The following TLN2 variants were observed in gnomAD, a reference collection of about 807,000 sequenced individuals.
TLN2 encodes the protein talin-2.
A neutral mutation model predicts 294.7 loss-of-function variants in TLN2; 118 were observed. The ratio of observed to expected loss-of-function variants is 0.40; its 90% CI spans 0.34 to 0.47. TLN2 has a LOEUF of 0.47. Ranked by LOEUF, TLN2 falls within the 20% of genes least tolerant of loss-of-function variation. The pLI is 0.84. For synonymous variants in TLN2, 1,431 were observed against 1,304.5 expected (o/e 1.10, Z -2.09); for missense variants, 3,083 against 3,282.2 (o/e 0.94, Z 1.48).
intron 3 of TLN2, among the ~76,000 whole-genome samples, chr15:62,635,024 C>G (rs2050247605): frequency 6.6e-6 from 1 of 151,958 alleles, no homozygotes; most frequent in South Asian, 2.1e-4. Flanking sequence ...TGGTCTGGTC[C>G]CTTGCAGCTT....
chr15:62,520,137 G>A (rs1428197141), intron 1 of TLN2, among the ~76,000 whole-genome samples: 1 of 152,170 alleles, frequency 6.6e-6, no homozygotes, highest in South Asian at 2.1e-4. Flanking sequence ...CTGCCACCAG[G>A]TCCCTCCAAC....
rs1322963977 is a variant in TLN2 at position 62,716,451 on chromosome 15, C to G, written c.2755C>G (p.Arg919Gly). ...TGCTATTAAGAAAAAAATTGTCAAC[C>G]GACTGGAGGTAAGGAAAGAGGCTGC... ...QNAIKKKIVN[R>G]LEVAAKQAAA... The change falls in exon 23 of 59, where the codon CGA becomes GGA. Residue 919 changes from arginine (R) to glycine (G), a missense_variant. By Grantham distance (125) the Arg-to-Gly change is moderately radical. Transcript: ENST00000636159. 2.5e-6 allele frequency: 4 copies of G among 1,600,922 alleles called. No individual in the cohort carries two copies. Among genetic ancestry groups the G allele is most frequent in the Non-Finnish European group, 3.4e-6 (4 of 1,174,864 alleles).
chr15:62,683,571 C>T (rs942837747), intron 11 of TLN2, among the ~76,000 whole-genome samples: 3 of 151,176 alleles, frequency 2.0e-5, no homozygotes, highest in Non-Finnish European at 2.9e-5. Flanking sequence ...TCCCGCCTCT[C>T]ATTGGTAGAA....
Position 62,713,914 on chromosome 15 carries a change from ATGCTGTG to A in TLN2, c.2634+1840_2634+1846del, listed in dbSNP as rs1567432887. 8.2e-4 allele frequency among the ~76,000 whole-genome samples: 90 copies of A among 109,790 alleles called. 2 individuals are homozygous for A. The highest frequency in any genetic ancestry group is 1.7e-3 in the Non-Finnish European group (71 of 42,880). The allele number at this position is 109,790 out of a possible 152,430, so 72.0% of individuals were successfully genotyped here. A position where few individuals can be genotyped will look rare whatever the true frequency, so the allele number is the denominator to read the frequency against. The stretch of plus-strand genomic sequence containing the variant: ...CTTTAAGCCATATATATATATATAT[ATGCTGTG>A]TGTGTGTATGTGTGTGTGTGTATGT... On this transcript the variant is annotated intron_variant, in intron 22 of 58. Transcript: ENST00000636159.
At chr15:62,798,014 G>A (rs553716936) in intron 48 of TLN2, among the ~76,000 whole-genome samples, 18 of 152,184 alleles carry the variant, frequency 1.2e-4, no homozygotes, top group African/African-American at 3.4e-4. Context: ...GGAAAGCCGC[G>A]GGCATCATGT....
At chr15:62,558,740 G>A (rs2042744995) in intron 1 of TLN2, among the ~76,000 whole-genome samples, 1 of 151,950 alleles carries the variant, frequency 6.6e-6, no homozygotes, top group Non-Finnish European at 1.5e-5. Context: ...GCCTCTATGG[G>A]CAGCAGGTTG....
intron 28 of TLN2, among the ~76,000 whole-genome samples, chr15:62,728,996 T>C (rs761841167): frequency 9.2e-5 from 14 of 152,336 alleles, no homozygotes; most frequent in Non-Finnish European, 1.9e-4. Flanking sequence ...TTTAGAACTT[T>C]GATCTATCTG....
At chr15:62,831,907 C>A (rs1194485393) in intron 54 of TLN2, 2 of 152,190 alleles carry the variant, frequency 1.3e-5, no homozygotes, top group African/African-American at 4.8e-5. Context: ...GACTTTGAAC[C>A]TCTGGCACAA....
At chr15:62,464,440 G>A (rs1338089304) in intron 1 of TLN2, among the ~76,000 whole-genome samples, 1 of 152,070 alleles carries the variant, frequency 6.6e-6, no homozygotes, top group East Asian at 1.9e-4. Flanking sequence ...GGGGGAGTGG[G>A]GAGGGATAGC....
intron 1 of TLN2, among the ~76,000 whole-genome samples, chr15:62,481,201 G>T (rs922007973): frequency 6.7e-6 from 1 of 149,638 alleles, no homozygotes; most frequent in African/African-American, 2.4e-5. Flanking sequence ...TAACTGAGAA[G>T]TTGCAAGTTG....
intron 1 of TLN2, among the ~76,000 whole-genome samples, chr15:62,403,106 C>T (rs1435434231): frequency 2.6e-5 from 4 of 151,804 alleles, no homozygotes; most frequent in Admixed American, 6.6e-5. Flanking sequence ...GGCATGGTGG[C>T]GTGTGCCTGT....
intron 43 of TLN2, among the ~76,000 whole-genome samples, chr15:62,780,295 C>T (rs2064046080): frequency 6.6e-6 from 1 of 152,186 alleles, no homozygotes; most frequent in African/African-American, 2.4e-5. Context: ...TCATCATTGG[C>T]ATTATCATCT....
intron 24 of TLN2, among the ~76,000 whole-genome samples, chr15:62,718,380 GT>G (rs1309457394): frequency 6.6e-6 from 1 of 152,244 alleles, no homozygotes; most frequent in Non-Finnish European, 1.5e-5. Flanking sequence ...GCAGCTAGCT[GT>G]GGTGGCTGGC....
intron 1 of TLN2, among the ~76,000 whole-genome samples, chr15:62,441,950 C>T (rs2035566749): frequency 6.6e-6 from 1 of 152,162 alleles, no homozygotes; most frequent in African/African-American, 2.4e-5. Context: ...TCTCTTCTAT[C>T]TGGCTGTCCA....
intron 37 of TLN2, 103 bp downstream of exon 37, chr15:62,755,796 C>G: frequency 7.1e-7 from 1 of 1,415,236 alleles, no homozygotes; most frequent in Non-Finnish European, 9.6e-7. Context: ...TCTAGTGAAG[C>G]TTAACTTCTA....
chr15:62,543,753 CA>C (rs11386820), intron 1 of TLN2, among the ~76,000 whole-genome samples: 296 of 110,038 alleles, frequency 2.7e-3, no homozygotes, highest in Admixed American at 2.1e-3. Flanking sequence ...GATTCTGTCT[CA>C]AAAAAAAAAA....
intron 44 of TLN2, among the ~76,000 whole-genome samples, chr15:62,782,162 G>C (rs1418720916): frequency 6.6e-6 from 1 of 152,172 alleles, no homozygotes; most frequent in East Asian, 1.9e-4. Flanking sequence ...CCCTCTGAGT[G>C]GTTTTGTCAT....
rs2141276139 is a variant in TLN2, at chr15:62,841,951, G to A, written c.*1341G>A. 1.4e-5 allele frequency: 2 copies of A among 142,588 alleles called. No homozygotes were observed. Among genetic ancestry groups the A allele is most frequent in the South Asian group, 4.7e-4 (2 of 4,246 alleles). 8.8% of individuals were successfully genotyped at this position (142,588 alleles called of 1,614,324 possible). On this transcript the variant is annotated 3_prime_UTR_variant, in exon 59 of 59. Coordinates refer to ENST00000636159, the MANE Select transcript of TLN2 (RefSeq NM_015059.3). ...ATTTTCAAAACTGGTAACAGTTAAA[G>A]GCACTCACCCTCCGCCTCTCTCTCT...
intron 1 of TLN2, among the ~76,000 whole-genome samples, chr15:62,489,352 C>A (rs562083301): frequency 2.7e-4 from 41 of 152,278 alleles, no homozygotes; most frequent in Admixed American, 6.5e-4. Flanking sequence ...CTCAAACAGC[C>A]TAAGCACATG....
Sources: allele counts gnomAD v4.1 joint callset (sites outside exome capture counted in the v4.1 genomes callset), GRCh38; gene constraint gnomAD v4.1.1; transcripts MANE v1.5; gene names NCBI Gene and HGNC (gene_info 2026-07-23, HGNC 2026-07-21).